KCNT2: variants seen among roughly 807,000 people sequenced by gnomAD.
KCNT2 encodes the protein potassium sodium-activated channel subfamily T member 2.
In KCNT2, 67 loss-of-function variants were observed where a neutral mutation model predicts 153.8. The ratio of observed to expected loss-of-function variants is 0.44; its 90% CI spans 0.36 to 0.53. The LOEUF (loss-of-function observed/expected upper bound fraction) is 0.53. KCNT2 is among the 20% of genes least tolerant of loss of function. The pLI is 0.00. For synonymous variants in KCNT2, 500 were observed against 458.8 expected (o/e 1.09, Z -1.15); for missense variants, 975 against 1,354.8 (o/e 0.72, Z 4.40).
At chr1:196,597,952 C>G (rs1664283529) in intron 1 of KCNT2, among the ~76,000 whole-genome samples, 1 of 151,982 alleles carries the variant, frequency 6.6e-6, no homozygotes, top group South Asian at 2.1e-4. Flanking sequence ...TATCCCAGTA[C>G]AGTGTTGAGA....
chr1:196,536,848 C>T (rs1272726090), intron 1 of KCNT2, among the ~76,000 whole-genome samples: 1 of 152,126 alleles, frequency 6.6e-6, no homozygotes, highest in Non-Finnish European at 1.5e-5. Flanking sequence ...TACACCCATC[C>T]CACTATTGAG....
chr1:196,411,078 CTT>C (rs1672272490), intron 12 of KCNT2, among the ~76,000 whole-genome samples: 1 of 10,302 alleles, frequency 9.7e-5, no homozygotes, highest in African/African-American at 1.1e-4. Flanking sequence ...TCCTTCCTTC[CTT>C]CCTTCCTTCC....
chr1:196,415,247 T>C (rs977742749), intron 12 of KCNT2, among the ~76,000 whole-genome samples: 1 of 151,818 alleles, frequency 6.6e-6, no homozygotes, highest in Non-Finnish European at 1.5e-5. Context: ...GAGCAAAGAT[T>C]TCTACTATCC....
At chr1:196,266,983 C>G (rs139650840) in intron 25 of KCNT2, among the ~76,000 whole-genome samples, 1 of 152,268 alleles carries the variant, frequency 6.6e-6, no homozygotes, top group East Asian at 1.9e-4. Context: ...GCTGCCTATG[C>G]CTCTGTAACA....
intron 5 of KCNT2, among the ~76,000 whole-genome samples, chr1:196,474,492 A>G (rs887866203): frequency 6.6e-6 from 1 of 152,214 alleles, no homozygotes; most frequent in East Asian, 1.9e-4. Flanking sequence ...AATCAACAGT[A>G]TCTGGTATTC....
chr1:196,526,376 A>G (rs1292883310), intron 1 of KCNT2, among the ~76,000 whole-genome samples: 1 of 151,258 alleles, frequency 6.6e-6, no homozygotes, highest in Non-Finnish European at 1.5e-5. Flanking sequence ...ATTATTGTAT[A>G]CATAAATTAT....
chr1:196,258,646 C>T, intron 25 of KCNT2, 152 bp from the exon 26 acceptor site: 1 of 708,998 alleles, frequency 1.4e-6, no homozygotes, highest in South Asian at 1.6e-5. Flanking sequence ...TCTAATTTTC[C>T]ATTACTAAAA....
At chr1:196,342,722 C>A (rs1009136479) in intron 14 of KCNT2, among the ~76,000 whole-genome samples, 2 of 151,884 alleles carry the variant, frequency 1.3e-5, no homozygotes, top group Non-Finnish European at 2.9e-5. Context: ...CTCAATTTAT[C>A]TTTGATTTTA....
chr1:196,271,284 A>T (rs1658041036), intron 25 of KCNT2, among the ~76,000 whole-genome samples: 1 of 152,014 alleles, frequency 6.6e-6, no homozygotes, highest in Non-Finnish European at 1.5e-5. Context: ...CCTTATGAAG[A>T]CCTAGGGAAC....
intron 14 of KCNT2, among the ~76,000 whole-genome samples, chr1:196,349,917 C>T (rs1004464348): frequency 6.6e-6 from 1 of 151,524 alleles, no homozygotes; most frequent in African/African-American, 2.4e-5. Context: ...TCCATGTGTT[C>T]TCATTGTTAA....
At chr1:196,260,394 A>G (rs868760983) in intron 25 of KCNT2, among the ~76,000 whole-genome samples, 25 of 152,014 alleles carry the variant, frequency 1.6e-4, no homozygotes, top group African/African-American at 6.0e-4. Context: ...ATCAGGCATC[A>G]TGTAAAGTAT....
chr1:196,569,335 T>C (rs773517457), intron 1 of KCNT2, among the ~76,000 whole-genome samples: 28 of 152,186 alleles, frequency 1.8e-4, no homozygotes, highest in Admixed American at 1.7e-3. Flanking sequence ...ACATTGTCTT[T>C]TTAAAATATG....
At chr1:196,367,472 C>G (rs955779430) in intron 14 of KCNT2, among the ~76,000 whole-genome samples, 8 of 151,990 alleles carry the variant, frequency 5.3e-5, no homozygotes, top group Admixed American at 2.6e-4. Flanking sequence ...AGTAAACATC[C>G]AATTCTAAAT....
chr1:196,434,536 G>A (rs1053847185), intron 8 of KCNT2, among the ~76,000 whole-genome samples: 2 of 151,888 alleles, frequency 1.3e-5, no homozygotes, highest in South Asian at 2.1e-4. Context: ...CCTCAGGTTC[G>A]AAAAGCTGCG....
chr1:196,364,390 A>C (rs1384224541), intron 14 of KCNT2, among the ~76,000 whole-genome samples: 1 of 152,160 alleles, frequency 6.6e-6, no homozygotes, highest in Non-Finnish European at 1.5e-5. Flanking sequence ...AAAAACAATA[A>C]TTTTGCCTTG....
At chr1:196,398,442 C>G in intron 13 of KCNT2, 121 bp downstream of exon 13, 1 of 549,316 alleles carries the variant, frequency 1.8e-6, no homozygotes, top group Non-Finnish European at 3.3e-6. Context: ...TTTTAATAAT[C>G]ATTTTCAGTT....
intron 8 of KCNT2, among the ~76,000 whole-genome samples, chr1:196,432,860 A>T (rs910093729): frequency 6.6e-5 from 10 of 152,084 alleles, no homozygotes; most frequent in African/African-American, 2.4e-4. Context: ...GATGAAATAA[A>T]ATGTATTTTG....
intron 21 of KCNT2, among the ~76,000 whole-genome samples, chr1:196,306,332 G>A (rs1326876792): frequency 6.6e-6 from 1 of 152,084 alleles, no homozygotes; most frequent in Non-Finnish European, 1.5e-5. Flanking sequence ...GTGTGGCTCA[G>A]GAACAAATCA....
chr1:196,354,700 T>G (rs188263729), intron 14 of KCNT2, among the ~76,000 whole-genome samples: 239 of 151,862 alleles, frequency 1.6e-3, no homozygotes, highest in African/African-American at 5.5e-3. Flanking sequence ...CTATATTGAT[T>G]GCAAGGAGAT....
Sources: gnomAD v4.1 joint callset for allele counts (sites outside exome capture counted in the v4.1 genomes callset) on GRCh38, gnomAD v4.1.1 for gene constraint, MANE v1.5 for transcripts, NCBI Gene and HGNC (gene_info 2026-07-23, HGNC 2026-07-21) for gene names.